The following FNDC3B variants were observed in gnomAD, a reference collection of about 807,000 sequenced individuals.
FNDC3B encodes the protein fibronectin type III domain-containing protein 3B.
Under a neutral mutation model 151.5 loss-of-function variants are expected in FNDC3B, and 12 were observed. The ratio of observed to expected loss-of-function variants is 0.08; its 90% CI spans 0.05 to 0.13. FNDC3B has a LOEUF of 0.13. FNDC3B is among the 10% of genes least tolerant of loss of function. FNDC3B has a pLI of 1.00. For synonymous variants in FNDC3B, 528 were observed against 549.0 expected (o/e 0.96, Z 0.54); for missense variants, 1,214 against 1,505.3 (o/e 0.81, Z 3.20).
chr3:172,102,221 C>T (rs989125374), intron 1 of FNDC3B, among the ~76,000 whole-genome samples: 1 of 152,120 alleles, frequency 6.6e-6, no homozygotes, highest in African/African-American at 2.4e-5. Context: ...GCCTTAGTTA[C>T]TATATTTGTA....
At chr3:172,134,297 A>T (rs1721253666) in intron 3 of FNDC3B, 1 of 501,138 alleles carries the variant, frequency 2.0e-6, no homozygotes, top group African/African-American at 1.9e-5. Context: ...AGGTACTTTG[A>T]TCCATATGGA....
chr3:172,238,755 G>A (rs900169244), intron 4 of FNDC3B, among the ~76,000 whole-genome samples: 7 of 152,168 alleles, frequency 4.6e-5, no homozygotes, highest in Admixed American at 2.6e-4. Context: ...GGGAAAGTGA[G>A]TACCGATGCA....
intron 1 of FNDC3B, among the ~76,000 whole-genome samples, chr3:172,077,958 ATTG>A (rs1718097355): frequency 2.0e-5 from 3 of 152,034 alleles, no homozygotes; most frequent in African/African-American, 7.2e-5. Context: ...CTCATATTTT[ATTG>A]TTGTTTTTAA....
intron 10 of FNDC3B, 22 bp downstream of exon 10, chr3:172,307,523 G>C: frequency 6.2e-7 from 1 of 1,613,574 alleles, no homozygotes; most frequent in South Asian, 1.1e-5. Context: ...AAAGCATCAA[G>C]AATCGTCTCA....
At chr3:172,066,972 T>G (rs1304481648) in intron 1 of FNDC3B, among the ~76,000 whole-genome samples, 1 of 152,170 alleles carries the variant, frequency 6.6e-6, no homozygotes, top group Admixed American at 6.5e-5. Context: ...ACATACACAA[T>G]ATTCTCTTAT....
chr3:172,272,777 G>A (rs1729261475), intron 6 of FNDC3B, among the ~76,000 whole-genome samples: 2 of 152,024 alleles, frequency 1.3e-5, no homozygotes, highest in South Asian at 4.1e-4. Flanking sequence ...TCAACTTTAG[G>A]CTGCTTTCAT....
chr3:172,297,665 G>A lies in FNDC3B; in HGVS notation c.1002-1063G>A, dbSNP rs563914748. Among the ~76,000 whole-genome samples the A allele has an allele frequency of 4.3e-4, 65 of 152,004 alleles. 1 individual carries two copies. In the East Asian group the frequency reaches 4.4e-3, roughly 10 times the overall value. ...AATTTTTTGTATTTTTAGTAGAGAC[G>A]GGGTTTCACCGTGTTAGCCAGGATG... is the stretch of plus-strand genomic sequence containing the variant. On this transcript the variant is annotated intron_variant, in intron 8 of 25. Transcript: ENST00000415807.
intron 1 of FNDC3B, among the ~76,000 whole-genome samples, chr3:172,093,444 G>C (rs1285553008): frequency 6.6e-6 from 1 of 151,986 alleles, no homozygotes; most frequent in Non-Finnish European, 1.5e-5. Flanking sequence ...ATTTTTAGTA[G>C]AGAAGGGGTT....
At chr3:172,256,791 A>G (rs1728365575) in intron 6 of FNDC3B, among the ~76,000 whole-genome samples, 1 of 152,168 alleles carries the variant, frequency 6.6e-6, no homozygotes, top group Admixed American at 6.6e-5. Flanking sequence ...AGAGTAAAAA[A>G]CAAAAGCTTT....
At chr3:172,201,825 A>T (rs1725173086) in intron 3 of FNDC3B, among the ~76,000 whole-genome samples, 1 of 152,190 alleles carries the variant, frequency 6.6e-6, no homozygotes, top group African/African-American at 2.4e-5. Flanking sequence ...TTTCAGATAT[A>T]CAGCATTTTT....
At chr3:172,065,853 C>CT (rs537434584) in intron 1 of FNDC3B, among the ~76,000 whole-genome samples, 14 of 152,102 alleles carry the variant, frequency 9.2e-5, no homozygotes, top group African/African-American at 3.4e-4. Context: ...TTCTTTCTTT[C>CT]TTTTTTCCCA....
At chr3:172,355,005 C>G (rs945006786) in intron 22 of FNDC3B, among the ~76,000 whole-genome samples, 2 of 151,680 alleles carry the variant, frequency 1.3e-5, no homozygotes, top group Non-Finnish European at 2.9e-5. Context: ...TTCAATGGAT[C>G]GGTCATTTCT....
intron 4 of FNDC3B, 72 bp downstream of exon 4, chr3:172,227,019 T>G (rs1726623647): frequency 1.9e-6 from 2 of 1,040,726 alleles, no homozygotes; most frequent in Non-Finnish European, 3.0e-6. Flanking sequence ...ATGTTGAGGC[T>G]TCAAAGCCAT....
intron 23 of FNDC3B, among the ~76,000 whole-genome samples, chr3:172,370,498 T>C (rs531057852): frequency 5.1e-4 from 78 of 152,386 alleles, no homozygotes; most frequent in African/African-American, 1.7e-3. Context: ...TTTGCCTTTC[T>C]AGTGCATATT....
At chr3:172,314,224 T>A (rs1731666126) in intron 11 of FNDC3B, among the ~76,000 whole-genome samples, 1 of 150,888 alleles carries the variant, frequency 6.6e-6, no homozygotes, top group African/African-American at 2.4e-5. Flanking sequence ...GAGCCACAGC[T>A]CTCCCCTCCT....
chr3:172,375,802 T>C (rs1350749280), intron 23 of FNDC3B, among the ~76,000 whole-genome samples: 1 of 152,052 alleles, frequency 6.6e-6, no homozygotes, highest in African/African-American at 2.4e-5. Context: ...TCCCTCCTCT[T>C]CTCAGCTCCC....
chr3:172,382,020 G>A (rs1430270009), intron 25 of FNDC3B, among the ~76,000 whole-genome samples: 2 of 152,112 alleles, frequency 1.3e-5, no homozygotes, highest in Admixed American at 6.5e-5. Context: ...GGTATTTCTG[G>A]TTCTAGATCC....
chr3:172,327,464 G>A (rs540730124), intron 11 of FNDC3B, among the ~76,000 whole-genome samples: 3 of 152,148 alleles, frequency 2.0e-5, no homozygotes, highest in East Asian at 1.9e-4. Context: ...GCAGTGGCGC[G>A]ATCTCGGCTC....
chr3:172,311,272 T>C (rs1731464868), intron 11 of FNDC3B, among the ~76,000 whole-genome samples: 1 of 152,216 alleles, frequency 6.6e-6, no homozygotes, highest in Admixed American at 6.5e-5. Context: ...CTTTTCCTTT[T>C]TGAATGCCAT....
Sources: allele counts gnomAD v4.1 joint callset (sites outside exome capture counted in the v4.1 genomes callset), GRCh38; gene constraint gnomAD v4.1.1; transcripts MANE v1.5; gene names NCBI Gene and HGNC (gene_info 2026-07-23, HGNC 2026-07-21).